The following PREX1 variants were observed in gnomAD, a reference collection of about 807,000 sequenced individuals.
PREX1 encodes phosphatidylinositol-3,4,5-trisphosphate dependent Rac exchange factor 1.
PREX1 carries 41 observed loss-of-function variants against 198.3 expected under a neutral mutation model. The observed-to-expected ratio is 0.21, with a 90% CI of 0.16 to 0.27. PREX1 has a LOEUF of 0.27. PREX1 is among the 10% of genes least tolerant of loss of function. PREX1 has a pLI of 1.00. For synonymous variants in PREX1, 843 were observed against 887.2 expected, an observed-to-expected ratio of 0.95 and a Z score of 0.89; for missense variants, 1,620 against 2,200.7, an observed-to-expected ratio of 0.74 and a Z score of 5.28.
At chr20:48,647,329 TG>T (rs1221553876) in intron 25 of PREX1, among the ~76,000 whole-genome samples, 2 of 151,976 alleles carry the variant, frequency 1.3e-5, no homozygotes, top group African/African-American at 4.8e-5. Context: ...AAGACCATCC[TG>T]GCCAACATGG....
intron 1 of PREX1, among the ~76,000 whole-genome samples, chr20:48,785,969 G>A (rs1355373888): frequency 6.6e-6 from 1 of 152,186 alleles, no homozygotes; most frequent in African/African-American, 2.4e-5. Flanking sequence ...ATGGGCCGGT[G>A]CCTTCCAGCA....
At chr20:48,695,721 C>T (rs779853274) in intron 7 of PREX1, among the ~76,000 whole-genome samples, 7 of 152,228 alleles carry the variant, frequency 4.6e-5, no homozygotes, top group Admixed American at 1.3e-4. Context: ...TGTGAAATGA[C>T]TGTCCCTTGT....
intron 1 of PREX1, among the ~76,000 whole-genome samples, chr20:48,765,384 T>C (rs569471285): frequency 6.6e-6 from 1 of 152,370 alleles, no homozygotes; most frequent in African/African-American, 2.4e-5. Context: ...TTCAGATCTA[T>C]TCAGTTCCTG....
intron 5 of PREX1, among the ~76,000 whole-genome samples, chr20:48,710,983 A>G (rs1380161311): frequency 6.6e-6 from 1 of 152,208 alleles, no homozygotes; most frequent in Non-Finnish European, 1.5e-5. Context: ...TCCTCCCAAG[A>G]GCCATGGGGA....
chr20:48,730,971 G>A (rs181659402), intron 4 of PREX1, among the ~76,000 whole-genome samples: 83 of 152,264 alleles, frequency 5.5e-4, no homozygotes, highest in South Asian at 2.9e-3. Flanking sequence ...ATTCCAGCCT[G>A]GGTGACGCAG....
At chr20:48,774,111 T>C (rs2090249955) in intron 1 of PREX1, among the ~76,000 whole-genome samples, 1 of 152,106 alleles carries the variant, frequency 6.6e-6, no homozygotes, top group African/African-American at 2.4e-5. Flanking sequence ...AGGAAGACTG[T>C]GGTTTGGGGG....
chr20:48,642,402 C>T lies in PREX1; in HGVS notation c.3684+5G>A, dbSNP rs750970031. On this transcript the variant is annotated splice_donor_5th_base_variant and intron_variant, in intron 28 of 39. Coordinates refer to ENST00000371941, the MANE Select transcript of PREX1 (RefSeq NM_020820.4). Reference sequence around the variant, plus strand: ...GTTGCGCCAGGAGTGGGGCAAAGGTCCTACCTGGTTAAAGAGGTGCTCCAG... The same window carrying T: ...GTTGCGCCAGGAGTGGGGCAAAGGTTCTACCTGGTTAAAGAGGTGCTCCAG... 1.9e-6 allele frequency: 3 copies of T among 1,612,654 alleles called. No individual in the cohort carries two copies. Among genetic ancestry groups the T allele is most frequent in the Non-Finnish European group, 2.5e-6 (3 of 1,178,996 alleles).
the PREX1 span, among the ~76,000 whole-genome samples, chr20:48,844,202 C>T: frequency 6.6e-6 from 1 of 152,130 alleles, no homozygotes; most frequent in Non-Finnish European, 1.5e-5. Flanking sequence ...TAGCACTCAG[C>T]ACAGTGATAT....
intron 6 of PREX1, among the ~76,000 whole-genome samples, chr20:48,702,592 T>C (rs2089881091): frequency 6.6e-6 from 1 of 152,236 alleles, no homozygotes; most frequent in Admixed American, 6.5e-5. Context: ...TTTCCTCCCT[T>C]TCCTCTTTCC....
chr20:48,825,417 C>T (rs1024001868), intron 1 of PREX1, among the ~76,000 whole-genome samples: 2 of 152,072 alleles, frequency 1.3e-5, no homozygotes, highest in African/African-American at 4.8e-5. Flanking sequence ...AGAACTGACA[C>T]ATCAGATACA....
chr20:48,677,934 C>T (rs1172306108), intron 13 of PREX1, among the ~76,000 whole-genome samples: 2 of 151,860 alleles, frequency 1.3e-5, no homozygotes, highest in African/African-American at 2.4e-5. Flanking sequence ...TGCAGTGAGC[C>T]GAGATCATGC....
chr20:48,641,909 AAAGAAACAGGAGG>A (rs1568796729), intron 29 of PREX1, among the ~76,000 whole-genome samples: 1 of 128,604 alleles, frequency 7.8e-6, no homozygotes, highest in Non-Finnish European at 1.7e-5. Flanking sequence ...GAAGGAAGGA[AAAGAAACAGGAGG>A]GGAGGGAAGG....
Position 48,655,713 on chromosome 20 carries a change from T to C in PREX1, c.2124-338A>G, listed in dbSNP as rs138162463. 6.7e-3 allele frequency among the ~76,000 whole-genome samples: 1,017 copies of C among 152,164 alleles called. 15 individuals are homozygous for C. The highest frequency in any genetic ancestry group is 0.023 in the African/African-American group (961 of 41,506). On this transcript the variant is annotated intron_variant, in intron 18 of 39. Coordinates refer to ENST00000371941, the MANE Select transcript of PREX1 (RefSeq NM_020820.4). ...TGAGACCAGCACTCCAACCAGTCAA[T>C]AGTTTAACAATCGCAGGTGGGAGGG...
At chr20:48,824,846 C>T (rs371443319) in intron 1 of PREX1, among the ~76,000 whole-genome samples, 12 of 152,134 alleles carry the variant, frequency 7.9e-5, no homozygotes, top group African/African-American at 2.9e-4. Context: ...GCCCCTATCA[C>T]GGGGGTTACT....
intron 1 of PREX1, among the ~76,000 whole-genome samples, chr20:48,802,937 G>A (rs1206603492): frequency 3.3e-5 from 5 of 152,194 alleles, no homozygotes; most frequent in African/African-American, 1.2e-4. Context: ...GGGCTTTCCT[G>A]AGAAGACGCC....
chr20:48,884,011 A>G, the PREX1 span, among the ~76,000 whole-genome samples: 2 of 151,812 alleles, frequency 1.3e-5, no homozygotes, highest in African/African-American at 2.4e-5. Context: ...GTGGTGGTGG[A>G]CGCCTGTAGT....
chr20:48,866,147 T>G, the PREX1 span, among the ~76,000 whole-genome samples: 1 of 152,150 alleles, frequency 6.6e-6, no homozygotes, highest in South Asian at 2.1e-4. Flanking sequence ...CAAGATCTTC[T>G]CCTTGTGTTG....
intron 12 of PREX1, 114 bp downstream of exon 12, chr20:48,679,537 T>C: frequency 1.5e-6 from 2 of 1,377,450 alleles, no homozygotes; most frequent in East Asian, 2.3e-5. Context: ...GGGTGAGTTG[T>C]GGGCAGTGGA....
intron 1 of PREX1, among the ~76,000 whole-genome samples, chr20:48,789,129 CCT>C (rs1056233871): frequency 6.6e-6 from 1 of 152,166 alleles, no homozygotes; most frequent in African/African-American, 2.4e-5. Flanking sequence ...TAAATAAAAC[CCT>C]GACTTTAGCT....
Sources: gnomAD v4.1 joint callset for allele counts (sites outside exome capture counted in the v4.1 genomes callset) on GRCh38, gnomAD v4.1.1 for gene constraint, MANE v1.5 for transcripts, NCBI Gene and HGNC (gene_info 2026-07-23, HGNC 2026-07-21) for gene names.